Variants in CPQ observed in about 807,000 individuals in gnomAD.
CPQ encodes carboxypeptidase Q.
CPQ carries 37 observed loss-of-function variants against 45.7 expected under a neutral mutation model. That is an observed-to-expected ratio of 0.81 (90% CI 0.62 to 1.07). The LOEUF is 1.07. Among genes scored for constraint, CPQ ranks in the 50% least tolerant of loss-of-function variants. The probability of loss-of-function intolerance (pLI) is 0.00; values close to 1 mark genes in which losing one functional copy is unlikely to be tolerated. For synonymous variants in CPQ, 186 were observed against 205.8 expected, an observed-to-expected ratio of 0.90 and a Z score of 0.82; for missense variants, 537 against 572.9, an observed-to-expected ratio of 0.94 and a Z score of 0.64.
At chr8:96,681,838 G>A (rs1809156761) in intron 1 of CPQ, among the ~76,000 whole-genome samples, 2 of 152,208 alleles carry the variant, frequency 1.3e-5, no homozygotes, top group African/African-American at 4.8e-5. Flanking sequence ...GCATGACCTG[G>A]ATGTGAGACA....
chr8:97,127,925 C>T (rs750377686), intron 7 of CPQ, among the ~76,000 whole-genome samples: 3 of 152,002 alleles, frequency 2.0e-5, no homozygotes, highest in African/African-American at 7.3e-5. Context: ...AATGGTTGCC[C>T]GAGACGGGGG....
intron 1 of CPQ, among the ~76,000 whole-genome samples, chr8:96,777,482 G>A (rs1563494297): frequency 6.6e-6 from 1 of 151,946 alleles, no homozygotes; most frequent in African/African-American, 2.4e-5. Flanking sequence ...CCTTAGCACA[G>A]AGAATTCATC....
At chr8:96,687,603 G>A (rs2704276) in intron 1 of CPQ, among the ~76,000 whole-genome samples, 77,693 of 151,538 alleles carry the variant, frequency 0.51, 21,761 homozygotes, top group Non-Finnish European at 0.63. Context: ...AACTTCTTGA[G>A]TGCTTATATT....
At chr8:96,924,874 A>T (rs182613138) in intron 4 of CPQ, among the ~76,000 whole-genome samples, 2 of 152,354 alleles carry the variant, frequency 1.3e-5, no homozygotes, top group East Asian at 3.9e-4. Flanking sequence ...AAATATTTTC[A>T]CTAACCCTTT....
At chr8:96,722,896 C>A (rs1451650151) in intron 1 of CPQ, among the ~76,000 whole-genome samples, 1 of 152,148 alleles carries the variant, frequency 6.6e-6, no homozygotes, top group African/African-American at 2.4e-5. Flanking sequence ...ACACATAGAG[C>A]TTCTTCTCAT....
chr8:96,812,907 A>G (rs1037006404), intron 2 of CPQ, among the ~76,000 whole-genome samples: 1 of 152,124 alleles, frequency 6.6e-6, no homozygotes, highest in Non-Finnish European at 1.5e-5. Flanking sequence ...TTAAAAAAAA[A>G]AAGCCAAAAT....
chr8:96,846,948 A>G (rs965148658), intron 3 of CPQ, among the ~76,000 whole-genome samples: 1 of 152,204 alleles, frequency 6.6e-6, no homozygotes, highest in Non-Finnish European at 1.5e-5. Context: ...AAAGAATATA[A>G]GGGAGTTATT....
chr8:96,736,670 T>C (rs1809986057), intron 1 of CPQ, among the ~76,000 whole-genome samples: 1 of 152,212 alleles, frequency 6.6e-6, no homozygotes, highest in African/African-American at 2.4e-5. Flanking sequence ...GCATACTACA[T>C]GTCATATATT....
At chr8:97,000,440 T>C (rs184183368) in intron 5 of CPQ, among the ~76,000 whole-genome samples, 91 of 152,302 alleles carry the variant, frequency 6.0e-4, no homozygotes, top group African/African-American at 2.2e-3. Flanking sequence ...AGGGGTCCAG[T>C]TTCAGTTTTC....
At chr8:96,754,497 C>A (rs891781092) in intron 1 of CPQ, among the ~76,000 whole-genome samples, 26 of 151,972 alleles carry the variant, frequency 1.7e-4, no homozygotes, top group African/African-American at 6.0e-4. Context: ...CTTTAACCTA[C>A]CCTGGAATGG....
chr8:97,016,064 T>C (rs1809574461), intron 5 of CPQ, among the ~76,000 whole-genome samples: 1 of 152,096 alleles, frequency 6.6e-6, no homozygotes, highest in South Asian at 2.1e-4. Context: ...TGTATTTATA[T>C]TCAGAAAAAT....
intron 4 of CPQ, among the ~76,000 whole-genome samples, chr8:96,936,621 T>C (rs1813054096): frequency 6.6e-6 from 1 of 152,164 alleles, no homozygotes; most frequent in African/African-American, 2.4e-5. Flanking sequence ...CAACAATTAG[T>C]GGAAACATAC....
intron 1 of CPQ, among the ~76,000 whole-genome samples, chr8:96,670,244 T>C (rs1402380966): frequency 6.6e-6 from 1 of 151,356 alleles, no homozygotes; most frequent in Non-Finnish European, 1.5e-5. Flanking sequence ...GCATGAGAGC[T>C]AAAACAAGAA....
chr8:96,841,285 T>A (rs1483070232), intron 3 of CPQ, among the ~76,000 whole-genome samples: 1 of 152,232 alleles, frequency 6.6e-6, no homozygotes, highest in Non-Finnish European at 1.5e-5. Context: ...ATTTCTCTGT[T>A]GTCCGCTTTT....
intron 1 of CPQ, among the ~76,000 whole-genome samples, chr8:96,755,432 A>T (rs1187807441): frequency 1.3e-5 from 2 of 151,650 alleles, no homozygotes; most frequent in African/African-American, 2.4e-5. Flanking sequence ...TAAATTTCTC[A>T]CTTGATACAA....
chr8:96,857,090 G>A (rs866164740), intron 3 of CPQ, among the ~76,000 whole-genome samples: 6 of 152,304 alleles, frequency 3.9e-5, no homozygotes, highest in South Asian at 2.1e-4. Flanking sequence ...TGCCTGGACA[G>A]GCCTGTAATT....
intron 3 of CPQ, 26 bp from the exon 4 acceptor site, chr8:96,879,772 G>C (rs1418212602): frequency 6.3e-7 from 1 of 1,594,098 alleles, no homozygotes; most frequent in African/African-American, 1.3e-5. Flanking sequence ...CACTTTCAAG[G>C]TAACCTGGTG....
At chr8:96,743,190 T>C (rs1810120913) in intron 1 of CPQ, among the ~76,000 whole-genome samples, 1 of 152,148 alleles carries the variant, frequency 6.6e-6, no homozygotes, top group African/African-American at 2.4e-5. Flanking sequence ...TATTCTTTTT[T>C]CTCTAAACTT....
intron 7 of CPQ, among the ~76,000 whole-genome samples, chr8:97,075,997 TTATTTG>T (rs1810839299): frequency 6.6e-6 from 1 of 152,056 alleles, no homozygotes; most frequent in Non-Finnish European, 1.5e-5. Context: ...GGACTTGGTT[TTATTTG>T]TTTTTGTTTT....
Sources: gnomAD v4.1 joint callset for allele counts (sites outside exome capture counted in the v4.1 genomes callset) on GRCh38, gnomAD v4.1.1 for gene constraint, MANE v1.5 for transcripts, NCBI Gene and HGNC (gene_info 2026-07-23, HGNC 2026-07-21) for gene names.